The following GPR107 variants were observed in gnomAD, a reference collection of about 807,000 sequenced individuals.
GPR107 encodes the protein G protein-coupled receptor 107.
GPR107 carries 31 observed loss-of-function variants against 75.5 expected under a neutral mutation model. The observed-to-expected ratio is 0.41, with a 90% CI of 0.31 to 0.55. The LOEUF is 0.55. Ranked by LOEUF, GPR107 falls within the 20% of genes least tolerant of loss-of-function variation. The probability of loss-of-function intolerance (pLI) is 0.26; values close to 1 mark genes in which losing one functional copy is unlikely to be tolerated. For missense variants in GPR107, 572 were observed against 665.7 expected (o/e 0.86, Z 1.55); for synonymous variants, 267 against 251.3 (o/e 1.06, Z -0.59).
At chr9:130,062,345 G>A (rs559762642) in intron 1 of GPR107, among the ~76,000 whole-genome samples, 6 of 151,150 alleles carry the variant, frequency 4.0e-5, no homozygotes, top group Middle Eastern at 3.5e-3. Flanking sequence ...CCTGGGAGGC[G>A]GAGGTTGCAG....
In GPR107 at chr9:130,109,656, G is replaced by A. The variant is rs560518373; in HGVS notation, c.1306+2117G>A. 4.1e-5 allele frequency among the ~76,000 whole-genome samples: 6 copies of A among 146,532 alleles called. No individual in the cohort carries two copies. In the East Asian group the frequency reaches 6.1e-4, roughly 15 times the overall value. On this transcript the variant is annotated intron_variant, in intron 14 of 17. Transcript: ENST00000347136. ...GCGATCTCAGCTCACTGCTACCTCT[G>A]CCTCCCAGCTTCAAGCGATTCTCCT...
intron 1 of GPR107, among the ~76,000 whole-genome samples, chr9:130,054,484 G>T (rs986444632): frequency 6.6e-5 from 10 of 152,180 alleles, no homozygotes; most frequent in African/African-American, 2.4e-4. Context: ...TGTACCGGCG[G>T]TTTGAAGGTA....
Position 130,053,944 on chromosome 9 carries a change from G to GGCGCCCGTCGGC in GPR107, c.13_24dup (p.Ala5_Gly8dup). The GGCGCCCGTCGGC allele has an allele frequency of 1.3e-6, 2 of 1,556,386 alleles. No individual in the cohort carries two copies. Among genetic ancestry groups the GGCGCCCGTCGGC allele is most frequent in the Non-Finnish European group, 1.7e-6 (2 of 1,151,786 alleles). ...ATGCTGGAACAAACATGGCCGCTCT[G>GGCGCCCGTCGGC]GCGCCCGTCGGCTCCCCCGCCTCCC... is the stretch of plus-strand genomic sequence containing the variant. On this transcript the variant is annotated inframe_insertion, in exon 1 of 18. Coordinates refer to ENST00000347136, the MANE Select transcript of GPR107 (RefSeq NM_020960.5).
chr9:130,087,268 G>A (rs1440357776), intron 7 of GPR107, among the ~76,000 whole-genome samples: 4 of 151,946 alleles, frequency 2.6e-5, no homozygotes, highest in Admixed American at 2.0e-4. Flanking sequence ...GAACTCCTGG[G>A]ATCAAGCAGT....
intron 17 of GPR107, chr9:130,132,841 A>G (rs1285646826): frequency 6.7e-6 from 1 of 150,226 alleles, no homozygotes; most frequent in Non-Finnish European, 1.5e-5. Flanking sequence ...ATATATATAT[A>G]CACATATACA....
intron 1 of GPR107, among the ~76,000 whole-genome samples, chr9:130,071,474 A>G (rs1589487806): frequency 2.0e-5 from 3 of 152,030 alleles, no homozygotes; most frequent in East Asian, 3.9e-4. Context: ...TTTATTAGCT[A>G]TAGTCTGCTT....
Position 130,112,195 on chromosome 9 carries a change from A to C in GPR107, c.1306+4656A>C, listed in dbSNP as rs767818524. 2.0e-5 allele frequency among the ~76,000 whole-genome samples: 3 copies of C among 152,224 alleles called. No homozygotes were observed. The highest frequency in any genetic ancestry group is 4.4e-5 in the Non-Finnish European group (3 of 68,032). On this transcript the variant is annotated intron_variant, in intron 14 of 17. Coordinates refer to ENST00000347136, the MANE Select transcript of GPR107 (RefSeq NM_020960.5). The surrounding 1 kb of genome is among the most constrained non-coding windows in gnomAD (Gnocchi z 4.0). Reference sequence around the variant, plus strand: ...TGTATTCTGAAGAGCCTTAGCTTTCATGTGAGCTTCAGAAGTATTTAAACA... The same window carrying C: ...TGTATTCTGAAGAGCCTTAGCTTTCCTGTGAGCTTCAGAAGTATTTAAACA...
intron 1 of GPR107, among the ~76,000 whole-genome samples, chr9:130,063,256 T>C (rs557931995): frequency 6.6e-6 from 1 of 152,232 alleles, no homozygotes; most frequent in Admixed American, 6.5e-5. Flanking sequence ...AATGGCATGA[T>C]CTCAGCTCAC....
chr9:130,085,017 G>T (rs1048582983), intron 6 of GPR107, among the ~76,000 whole-genome samples: 8 of 152,160 alleles, frequency 5.3e-5, no homozygotes, highest in African/African-American at 1.9e-4. Flanking sequence ...TGAAGTAAAA[G>T]ACACATATTT....
intron 14 of GPR107, among the ~76,000 whole-genome samples, chr9:130,120,255 C>T (rs12552732): frequency 0.079 from 11,954 of 152,244 alleles, 604 homozygotes; most frequent in East Asian, 0.14. Flanking sequence ...CTGTGTGGGG[C>T]GCGCAGGCTC....
chr9:130,106,072 ACCT>A (rs770498781), intron 13 of GPR107, among the ~76,000 whole-genome samples: 1 of 152,156 alleles, frequency 6.6e-6, no homozygotes, highest in African/African-American at 2.4e-5. Flanking sequence ...CGAAAAGAGC[ACCT>A]CATTAGGGAA....
intron 1 of GPR107, among the ~76,000 whole-genome samples, chr9:130,065,098 G>C (rs1458162333): frequency 6.6e-6 from 1 of 152,142 alleles, no homozygotes; most frequent in Non-Finnish European, 1.5e-5. Context: ...TAACTTCATA[G>C]GAACGTGTTA....
intron 14 of GPR107, among the ~76,000 whole-genome samples, chr9:130,111,058 G>A (rs1016818461): frequency 6.6e-6 from 1 of 151,896 alleles, no homozygotes; most frequent in Non-Finnish European, 1.5e-5. Context: ...TCACTCTGTT[G>A]CCCAGGCTGG....
intron 1 of GPR107, among the ~76,000 whole-genome samples, chr9:130,061,217 T>TGTA (rs1829918455): frequency 6.6e-6 from 1 of 152,164 alleles, no homozygotes; most frequent in East Asian, 1.9e-4. Context: ...ATTCTAGTGG[T>TGTA]AATGGACAGC....
chr9:130,134,056 T>A (rs1401809343), intron 17 of GPR107, among the ~76,000 whole-genome samples: 1 of 152,106 alleles, frequency 6.6e-6, no homozygotes, highest in Admixed American at 6.5e-5. Flanking sequence ...GTTGAGTTGA[T>A]TGATTGAATT....
intron 13 of GPR107, among the ~76,000 whole-genome samples, chr9:130,106,131 C>T (rs1218579475): frequency 2.0e-5 from 3 of 152,152 alleles, no homozygotes; most frequent in Admixed American, 1.3e-4. Flanking sequence ...TCAGAATAGT[C>T]AAATATAAGG....
intron 1 of GPR107, among the ~76,000 whole-genome samples, chr9:130,054,612 T>C (rs1335433037): frequency 6.6e-6 from 1 of 152,194 alleles, no homozygotes; most frequent in Non-Finnish European, 1.5e-5. Flanking sequence ...AAGCCAGCAT[T>C]AAGGTGTGTC....
In GPR107 at chr9:130,104,409, C is replaced by T. The variant is rs747548987; in HGVS notation, c.1132-11C>T. 2 of 1,613,348 alleles carry T rather than the reference C, an allele frequency of 1.2e-6. No individual in the cohort carries two copies. Among genetic ancestry groups the T allele is most frequent in the Non-Finnish European group, 8.5e-7 (1 of 1,179,412 alleles). On this transcript the variant is annotated splice_polypyrimidine_tract_variant and intron_variant, in intron 12 of 17. Transcript: ENST00000347136. ...ATGCTTTGGGGCCTCAGCAACTTCT[C>T]ATGTCTGTAGGTCCTGGCAAATGTA...
chr9:130,118,924 G>T (rs1446164858), intron 14 of GPR107, among the ~76,000 whole-genome samples: 1 of 152,170 alleles, frequency 6.6e-6, no homozygotes, highest in Admixed American at 6.5e-5. Flanking sequence ...AGGCCTCCTG[G>T]ATCCTGCCTG....
Sources: gnomAD v4.1 joint callset for allele counts (sites outside exome capture counted in the v4.1 genomes callset) on GRCh38, gnomAD v4.1.1 for gene constraint, Gnocchi (gnomAD v3.1) non-coding constraint, MANE v1.5 for transcripts, NCBI Gene and HGNC (gene_info 2026-07-23, HGNC 2026-07-21) for gene names.